The following MCTP1 variants were observed in gnomAD, a reference collection of about 807,000 sequenced individuals.
MCTP1 encodes multiple C2 and transmembrane domain containing 1.
A neutral mutation model predicts 120.6 loss-of-function variants in MCTP1; 69 were observed. The ratio of observed to expected loss-of-function variants is 0.57; its 90% CI spans 0.47 to 0.70. MCTP1 has a LOEUF of 0.70. Ranked by LOEUF, MCTP1 falls within the 30% of genes least tolerant of loss-of-function variation. The probability of loss-of-function intolerance (pLI) is 0.00; values close to 1 mark genes in which losing one functional copy is unlikely to be tolerated. For missense variants in MCTP1, 1,203 were observed against 1,248.8 expected, an observed-to-expected ratio of 0.96 and a Z score of 0.55; for synonymous variants, 529 against 493.1, an observed-to-expected ratio of 1.07 and a Z score of -0.96.
At chr5:95,085,638 C>T (rs982858641) in intron 1 of MCTP1, among the ~76,000 whole-genome samples, 1 of 151,924 alleles carries the variant, frequency 6.6e-6, no homozygotes, top group Middle Eastern at 3.2e-3. Flanking sequence ...ATACGATATG[C>T]ACACCTTCAC....
At chr5:95,126,565 G>A (rs934331002) in intron 1 of MCTP1, among the ~76,000 whole-genome samples, 1 of 152,110 alleles carries the variant, frequency 6.6e-6, no homozygotes, top group Non-Finnish European at 1.5e-5. Context: ...CCCCCTGTGT[G>A]CACACATATG....
chr5:94,918,095 T>C (rs977118891), intron 7 of MCTP1, 122 bp from the exon 8 acceptor site: 1 of 698,358 alleles, frequency 1.4e-6, no homozygotes, highest in African/African-American at 1.8e-5. Flanking sequence ...TTGTATTTGC[T>C]TCTCAAGTCA....
chr5:94,737,616 T>A (rs2152733833), intron 19 of MCTP1, among the ~76,000 whole-genome samples: 1 of 152,342 alleles, frequency 6.6e-6, no homozygotes, highest in Admixed American at 6.5e-5. Context: ...ATTTCCTCTA[T>A]CAATAACCAG....
intron 19 of MCTP1, among the ~76,000 whole-genome samples, chr5:94,717,320 A>G (rs1360922396): frequency 6.6e-6 from 1 of 152,208 alleles, no homozygotes; most frequent in Non-Finnish European, 1.5e-5. Context: ...ATAAAATTCA[A>G]CATCCCTTCA....
chr5:95,083,862 A>G (rs986483942), intron 1 of MCTP1, among the ~76,000 whole-genome samples: 10 of 152,206 alleles, frequency 6.6e-5, no homozygotes, highest in African/African-American at 9.6e-5. Context: ...AAACGGTGGA[A>G]GCGTTAAATA....
chr5:94,859,224 C>T (rs1172292855), intron 17 of MCTP1, among the ~76,000 whole-genome samples: 1 of 151,632 alleles, frequency 6.6e-6, no homozygotes. Context: ...CTTAAAATAC[C>T]AGCCTCTTGG....
At chr5:95,007,708 A>C (rs1265175174) in intron 2 of MCTP1, among the ~76,000 whole-genome samples, 3 of 152,206 alleles carry the variant, frequency 2.0e-5, no homozygotes, top group African/African-American at 7.2e-5. Context: ...GTTCTCAATT[A>C]GTGAGACTTC....
intron 1 of MCTP1, among the ~76,000 whole-genome samples, chr5:95,088,375 A>C (rs1755592136): frequency 6.6e-6 from 1 of 152,252 alleles, no homozygotes; most frequent in Admixed American, 6.5e-5. Flanking sequence ...AGAATTGAAG[A>C]TACGCCTTAA....
At chr5:95,041,464 A>G (rs1842355151) in intron 1 of MCTP1, among the ~76,000 whole-genome samples, 1 of 152,182 alleles carries the variant, frequency 6.6e-6, no homozygotes, top group Non-Finnish European at 1.5e-5. Flanking sequence ...TTAAGGAAAA[A>G]GTACTTTAAA....
At chr5:95,008,243 A>T (rs977603667) in intron 2 of MCTP1, among the ~76,000 whole-genome samples, 3 of 152,128 alleles carry the variant, frequency 2.0e-5, no homozygotes, top group Admixed American at 2.0e-4. Flanking sequence ...AAAATGACAA[A>T]AAAAGAAGGC....
intron 17 of MCTP1, among the ~76,000 whole-genome samples, chr5:94,842,352 C>T (rs1303157955): frequency 3.9e-5 from 6 of 152,148 alleles, no homozygotes; most frequent in African/African-American, 7.2e-5. Context: ...AAATTACACA[C>T]ACACATACTG....
At chr5:95,008,005 C>T (rs1006345802) in intron 2 of MCTP1, among the ~76,000 whole-genome samples, 14 of 152,104 alleles carry the variant, frequency 9.2e-5, no homozygotes, top group African/African-American at 3.4e-4. Flanking sequence ...GCCTACATGA[C>T]GTAGCCTGAA....
intron 2 of MCTP1, among the ~76,000 whole-genome samples, chr5:94,976,521 GT>G (rs748690187): frequency 4.0e-4 from 61 of 152,140 alleles, no homozygotes; most frequent in African/African-American, 1.2e-3. Context: ...TCTTCTAAGA[GT>G]TTTTTATTTG....
intron 1 of MCTP1, among the ~76,000 whole-genome samples, chr5:95,184,164 AT>A (rs200285535): frequency 3.9e-5 from 6 of 151,912 alleles, no homozygotes; most frequent in African/African-American, 9.7e-5. Context: ...AATAATAATA[AT>A]AAAAAAAGGA....
chr5:95,030,121 G>A (rs530225742), intron 1 of MCTP1, among the ~76,000 whole-genome samples: 4 of 152,284 alleles, frequency 2.6e-5, no homozygotes, highest in Admixed American at 6.5e-5. Flanking sequence ...CTGCAGTGGG[G>A]AACCAAAGGA....
intron 3 of MCTP1, among the ~76,000 whole-genome samples, chr5:94,948,695 G>A (rs1326923784): frequency 6.6e-6 from 1 of 151,984 alleles, no homozygotes; most frequent in Non-Finnish European, 1.5e-5. Context: ...ACCTATTGAG[G>A]TGTTTTAAAA....
intron 1 of MCTP1, among the ~76,000 whole-genome samples, chr5:95,202,111 A>G (rs1262006514): frequency 6.6e-6 from 1 of 152,054 alleles, no homozygotes; most frequent in Non-Finnish European, 1.5e-5. Context: ...AGTGGGGAAG[A>G]CCACTCTTGA....
chr5:95,167,947 GT>G (rs1746651426), intron 1 of MCTP1, among the ~76,000 whole-genome samples: 1 of 152,156 alleles, frequency 6.6e-6, no homozygotes, highest in Non-Finnish European at 1.5e-5. Context: ...TGCTTTTGGT[GT>G]TTTAGACATG....
At chr5:94,930,267 A>ATTTTTTTTTTTTTTT (rs869306266) in intron 6 of MCTP1, among the ~76,000 whole-genome samples, 1 of 100,928 alleles carries the variant, frequency 9.9e-6, no homozygotes. Flanking sequence ...TTAAAGAAGA[A>ATTTTTTTTTTTTTTT]TTTTTTTTTT....
Sources: allele counts gnomAD v4.1 joint callset (sites outside exome capture counted in the v4.1 genomes callset), GRCh38; gene constraint gnomAD v4.1.1; transcripts MANE v1.5; gene names NCBI Gene and HGNC (gene_info 2026-07-23, HGNC 2026-07-21).